Variants in CHAT observed in about 807,000 individuals in gnomAD.
CHAT encodes acetyl CoA:choline O-acetyltransferase.
In CHAT, 61 loss-of-function variants were observed where a neutral mutation model predicts 76.9. The ratio of observed to expected loss-of-function variants is 0.79; its 90% CI spans 0.65 to 0.98. CHAT has a LOEUF of 0.98. CHAT is among the 50% of genes least tolerant of loss of function. The pLI, the probability that CHAT is intolerant of heterozygous loss-of-function variation, is 0.00. For missense variants in CHAT, 946 were observed against 986.9 expected, an observed-to-expected ratio of 0.96 and a Z score of 0.56; for synonymous variants, 407 against 397.4, an observed-to-expected ratio of 1.02 and a Z score of -0.29.
chr10:49,624,820 T>C (rs1206897611), intron 5 of CHAT, among the ~76,000 whole-genome samples: 1 of 150,782 alleles, frequency 6.6e-6, no homozygotes, highest in Non-Finnish European at 1.5e-5. Flanking sequence ...GAAGGATGGA[T>C]GGATGCTTGG....
At chr10:49,616,081 T>A in intron 1 of CHAT, 1 of 1,613,612 alleles carries the variant, frequency 6.2e-7, no homozygotes, top group Non-Finnish European at 8.5e-7. Flanking sequence ...GATGAAGCAC[T>A]GAGCACAGTA....
chr10:49,640,711 G>A (rs895132167), intron 7 of CHAT, among the ~76,000 whole-genome samples: 9 of 152,124 alleles, frequency 5.9e-5, no homozygotes, highest in Admixed American at 5.9e-4. Context: ...TGGCAAGGGT[G>A]CTGGGGGAGG....
At chr10:49,637,985 A>G (rs1045197125) in intron 7 of CHAT, among the ~76,000 whole-genome samples, 3 of 152,226 alleles carry the variant, frequency 2.0e-5, no homozygotes, top group African/African-American at 7.2e-5. Flanking sequence ...GATTTCTTCT[A>G]CGTCCTTGCT....
intron 8 of CHAT, among the ~76,000 whole-genome samples, chr10:49,648,223 A>G (rs1347330766): frequency 1.3e-5 from 2 of 152,140 alleles, no homozygotes; most frequent in African/African-American, 4.8e-5. Context: ...CGTCCTGAGG[A>G]TGAACTCCTC....
chr10:49,612,347 ACTC>A (rs763982401), upstream of CHAT: 24 of 1,567,424 alleles, frequency 1.5e-5, no homozygotes, highest in Non-Finnish European at 2.1e-5. Context: ...TAGCATCCCC[ACTC>A]CTCCTCCAGC....
At position 49,619,829 on chromosome 10, in the gene CHAT, C is replaced by A. The variant is rs746798016; in HGVS notation, c.492C>A (p.Ala164=). 6.2e-7 allele frequency: 1 copy of A among 1,613,828 alleles called. No homozygotes were observed. Among genetic ancestry groups the A allele is most frequent in the Admixed American group, 1.7e-5 (1 of 59,994 alleles). The change falls in exon 3 of 15, where the codon GCC becomes GCA. Residue 164 remains alanine, a synonymous_variant. Coordinates refer to ENST00000337653, the MANE Select transcript of CHAT (RefSeq NM_020549.5). Reference sequence around the variant, plus strand: ...AGGAGCAGTTCAGGAAGAGCCAGGCCATTGTGCAGCAGTTTGGGGCCCCTG... The same window carrying A: ...AGGAGCAGTTCAGGAAGAGCCAGGCAATTGTGCAGCAGTTTGGGGCCCCTG... The part of the protein sequence containing the change: ...VSEEQFRKSQ[A]IVQQFGAPGG...
At chr10:49,626,294 G>A (rs1160041609) in intron 6 of CHAT, among the ~76,000 whole-genome samples, 2 of 152,200 alleles carry the variant, frequency 1.3e-5, no homozygotes, top group African/African-American at 4.8e-5. Context: ...CTGAGCATGA[G>A]GGCTCCTGAC....
At chr10:49,641,204 G>T (rs141182814) in intron 7 of CHAT, among the ~76,000 whole-genome samples, 64 of 152,228 alleles carry the variant, frequency 4.2e-4, no homozygotes, top group African/African-American at 1.5e-3. Flanking sequence ...CTCTGTAAAG[G>T]CCCTCCCTCC....
rs988586514 is a variant in CHAT, at chr10:49,665,101, G to A, written c.*55G>A. 1.1e-5 allele frequency: 17 copies of A among 1,598,218 alleles called. No homozygotes were observed. Among genetic ancestry groups the A allele is most frequent in the Non-Finnish European group, 1.4e-5 (16 of 1,168,650 alleles). The stretch of plus-strand genomic sequence containing the variant: ...CCAGCCTCTAGAACAGCCAGACCCT[G>A]CAGATCCCCACTCCCGTCCCTTACC... On this transcript the variant is annotated 3_prime_UTR_variant, in exon 15 of 15. Coordinates refer to ENST00000337653, the MANE Select transcript of CHAT (RefSeq NM_020549.5).
In CHAT at chr10:49,648,491, C is replaced by T. The variant is rs1434944267; in HGVS notation, c.1282-16C>T. On this transcript the variant is annotated splice_polypyrimidine_tract_variant and intron_variant, in intron 8 of 14. Coordinates refer to ENST00000337653, the MANE Select transcript of CHAT (RefSeq NM_020549.5). ...TGACTCTCCCATGATCGCCCACTCCCTCTTTCCTGTTGCAGTTTGTGGTGG... is the reference window on the plus strand; with the variant it reads ...TGACTCTCCCATGATCGCCCACTCCTTCTTTCCTGTTGCAGTTTGTGGTGG... The T allele has an allele frequency of 1.9e-6, 3 of 1,608,796 alleles. No homozygotes were observed. The highest frequency in any genetic ancestry group is 1.1e-5 in the South Asian group (1 of 90,806).
intron 7 of CHAT, among the ~76,000 whole-genome samples, chr10:49,634,301 G>A (rs990422220): frequency 3.3e-5 from 5 of 152,218 alleles, no homozygotes; most frequent in Non-Finnish European, 7.3e-5. Flanking sequence ...CAGGACCAAG[G>A]GGATGGGCGG....
At chr10:49,611,389 G>T (rs1286137536), upstream of CHAT, 2 of 1,598,976 alleles carry the variant, frequency 1.3e-6, no homozygotes, top group Non-Finnish European at 1.7e-6. Context: ...ACTGGGCGTG[G>T]CGCTGGCCTT....
chr10:49,650,934 T>C (rs954104947), intron 10 of CHAT, among the ~76,000 whole-genome samples: 7 of 151,858 alleles, frequency 4.6e-5, no homozygotes, highest in Admixed American at 4.6e-4. Flanking sequence ...GGCTGCTGAG[T>C]CCTCAGTGGG....
intron 9 of CHAT, among the ~76,000 whole-genome samples, 164 bp from the exon 10 acceptor site, chr10:49,649,344 G>A (rs967455913): frequency 4.4e-4 from 67 of 152,204 alleles, no homozygotes; most frequent in African/African-American, 1.6e-3. Flanking sequence ...GCCTCTCTGA[G>A]CCTCAGTTTA....
chr10:49,646,821 G>A, intron 8 of CHAT, 147 bp downstream of exon 8: 6 of 886,094 alleles, frequency 6.8e-6, no homozygotes, highest in Admixed American at 2.0e-5. Flanking sequence ...AAGAGGCTGG[G>A]TCTGAGGGGT....
intron 11 of CHAT, among the ~76,000 whole-genome samples, chr10:49,654,695 T>C (rs1839978496): frequency 6.6e-6 from 1 of 152,214 alleles, no homozygotes; most frequent in Admixed American, 6.5e-5. Context: ...AGGTCATGCT[T>C]GAATCAGTTT....
At chr10:49,610,395 A>G (rs904567913), upstream of CHAT, 8 of 260,294 alleles carry the variant, frequency 3.1e-5, 1 homozygote, top group Non-Finnish European at 7.3e-6. Flanking sequence ...TCCCTCGGCC[A>G]GCGCGGGCGG....
intron 7 of CHAT, among the ~76,000 whole-genome samples, chr10:49,633,211 T>C (rs752381344): frequency 1.3e-5 from 2 of 152,074 alleles, no homozygotes; most frequent in Non-Finnish European, 2.9e-5. Context: ...ATAAAACAGA[T>C]TCCCGGGCCC....
upstream of CHAT, among the ~76,000 whole-genome samples, chr10:49,613,567 C>T (rs1838359888): frequency 2.0e-5 from 3 of 152,182 alleles, no homozygotes; most frequent in Admixed American, 2.0e-4. Flanking sequence ...TGAGGGTCTG[C>T]TCTGCTGTTG....
Sources: gnomAD v4.1 joint callset for allele counts (sites outside exome capture counted in the v4.1 genomes callset) on GRCh38, gnomAD v4.1.1 for gene constraint, MANE v1.5 for transcripts, NCBI Gene and HGNC (gene_info 2026-07-23, HGNC 2026-07-21) for gene names.